Variants in TENM4 observed in about 807,000 individuals in gnomAD.
The protein encoded by TENM4 is teneurin transmembrane protein 4.
A neutral mutation model predicts 243.3 loss-of-function variants in TENM4; 82 were observed. The ratio of observed to expected loss-of-function variants is 0.34; its 90% CI spans 0.28 to 0.40. The LOEUF (loss-of-function observed/expected upper bound fraction) is 0.40. Ranked by LOEUF, TENM4 falls within the 10% of genes least tolerant of loss-of-function variation. The pLI is 1.00. For missense variants in TENM4, 3,138 were observed against 3,673.3 expected (o/e 0.85, Z 3.77); for synonymous variants, 1,412 against 1,456.3 (o/e 0.97, Z 0.69).
At chr11:78,674,531 C>CTT (rs1858415583) in intron 30 of TENM4, among the ~76,000 whole-genome samples, 1 of 152,198 alleles carries the variant, frequency 6.6e-6, no homozygotes, top group Non-Finnish European at 1.5e-5. Context: ...ATTGTATCAT[C>CTT]TTGTTTCTGC....
chr11:78,842,034 C>T (rs1252258229), intron 12 of TENM4, among the ~76,000 whole-genome samples: 8 of 152,170 alleles, frequency 5.3e-5, no homozygotes, highest in East Asian at 3.9e-4. Flanking sequence ...CTCTAAGCTC[C>T]ACCTGCTACT....
chr11:79,089,647 G>T (rs1365007477), intron 4 of TENM4, among the ~76,000 whole-genome samples: 2 of 152,066 alleles, frequency 1.3e-5, no homozygotes, highest in Non-Finnish European at 2.9e-5. Flanking sequence ...TAGTATCCTT[G>T]CTACTTAATG....
chr11:78,850,858 T>C (rs2136195746), intron 12 of TENM4, among the ~76,000 whole-genome samples: 1 of 152,278 alleles, frequency 6.6e-6, no homozygotes. Flanking sequence ...AGAATGAGGC[T>C]CAGAGAGGTG....
intron 4 of TENM4, among the ~76,000 whole-genome samples, chr11:79,075,140 G>A (rs769874206): frequency 3.9e-4 from 60 of 152,192 alleles, no homozygotes; most frequent in Non-Finnish European, 1.9e-4. Flanking sequence ...TTTGCCATAG[G>A]CCAGGCACCG....
At chr11:78,873,993 AC>A (rs1337866275) in intron 9 of TENM4, among the ~76,000 whole-genome samples, 1 of 151,866 alleles carries the variant, frequency 6.6e-6, no homozygotes, top group East Asian at 1.9e-4. Context: ...GAGGATTTCC[AC>A]CATCACTCCC....
At position 79,150,114 on chromosome 11, in the gene TENM4, C is replaced by A. The variant is rs151072407; in HGVS notation, c.-162-1308G>T. On this transcript the variant is annotated intron_variant, in intron 3 of 33. Transcript: ENST00000278550. ...GGATCCCTCTGACTCGCCTCTGCCC[C>A]TCACTCCTCACTCCTGCTCGGTTCA... 1.8e-4 allele frequency among the ~76,000 whole-genome samples: 28 copies of A among 152,256 alleles called. 1 individual carries two copies. The East Asian group carries it at 5.2e-3, about 28-fold the overall frequency.
intron 2 of TENM4, among the ~76,000 whole-genome samples, chr11:79,281,928 G>A (rs1424938968): frequency 1.3e-5 from 2 of 152,194 alleles, no homozygotes; most frequent in Non-Finnish European, 2.9e-5. Context: ...TGTGCAGTTA[G>A]ACTCTTCTCA....
In TENM4 at chr11:78,936,038, G is replaced by A. The variant is rs1433612042; in HGVS notation, c.494-32515C>T. ...AATGTAACAGTTCATTCCCCAGTGAGGGATAAATGAGGTGTTACAGGTCTG... is the reference window on the plus strand; with the variant it reads ...AATGTAACAGTTCATTCCCCAGTGAAGGATAAATGAGGTGTTACAGGTCTG... On this transcript the variant is annotated intron_variant, in intron 6 of 33. Transcript: ENST00000278550. 3.3e-5 allele frequency among the ~76,000 whole-genome samples: 5 copies of A among 152,206 alleles called. No homozygotes were observed. The East Asian group carries it at 9.6e-4, about 29-fold the overall frequency.
chr11:79,319,951 C>T (rs1281059712), intron 1 of TENM4, among the ~76,000 whole-genome samples: 3 of 152,164 alleles, frequency 2.0e-5, no homozygotes, highest in Non-Finnish European at 2.9e-5. Context: ...TAGGTAGAGG[C>T]TCTACCAGTG....
intron 6 of TENM4, among the ~76,000 whole-genome samples, chr11:79,007,027 C>T (rs1440928059): frequency 6.6e-6 from 1 of 152,144 alleles, no homozygotes; most frequent in Admixed American, 6.5e-5. Context: ...AAGAGGAAAC[C>T]CTGCAGCAGA....
intron 4 of TENM4, among the ~76,000 whole-genome samples, chr11:79,134,392 A>T (rs1862069171): frequency 6.6e-6 from 1 of 152,204 alleles, no homozygotes; most frequent in Non-Finnish European, 1.5e-5. Flanking sequence ...GAATGGGGAA[A>T]ATCAATATTG....
chr11:79,214,751 C>T (rs866148110), intron 3 of TENM4, among the ~76,000 whole-genome samples: 1 of 152,216 alleles, frequency 6.6e-6, no homozygotes, highest in African/African-American at 2.4e-5. Flanking sequence ...ATTTAAGAGT[C>T]AATGTTCAAC....
At chr11:79,049,562 G>A (rs1859745216) in intron 6 of TENM4, among the ~76,000 whole-genome samples, 1 of 152,258 alleles carries the variant, frequency 6.6e-6, no homozygotes, top group Admixed American at 6.5e-5. Flanking sequence ...TGCTTGCAAA[G>A]CTGGCCTTGG....
At chr11:79,354,809 AC>A (rs200958959) in intron 1 of TENM4, among the ~76,000 whole-genome samples, 5,920 of 151,628 alleles carry the variant, frequency 0.039, 150 homozygotes, top group Non-Finnish European at 0.062. Flanking sequence ...TAACAAACAA[AC>A]AAAAAAAGAA....
chr11:78,671,922 T>G, intron 31 of TENM4, 111 bp downstream of exon 31: 1 of 1,352,056 alleles, frequency 7.4e-7, no homozygotes, highest in Non-Finnish European at 1.0e-6. Context: ...AACATTTCCT[T>G]TTGGTGACAT....
chr11:79,408,596 T>A (rs1011612782), intron 1 of TENM4, among the ~76,000 whole-genome samples: 2 of 152,252 alleles, frequency 1.3e-5, no homozygotes, highest in African/African-American at 4.8e-5. Context: ...GCTTTGTTAA[T>A]ATTATTGACA....
chr11:78,824,619 A>G (rs761740790), intron 12 of TENM4, among the ~76,000 whole-genome samples: 1 of 150,742 alleles, frequency 6.6e-6, no homozygotes, highest in Non-Finnish European at 1.5e-5. Flanking sequence ...CTCCTGCCTC[A>G]GCCTCCCAAG....
chr11:79,231,713 A>C (rs1279291352), intron 2 of TENM4, among the ~76,000 whole-genome samples: 2 of 152,206 alleles, frequency 1.3e-5, no homozygotes, highest in South Asian at 2.1e-4. Context: ...TACTCATTTG[A>C]TTCACCCAGC....
At chr11:79,398,275 T>G (rs1309394041) in intron 1 of TENM4, among the ~76,000 whole-genome samples, 2 of 151,720 alleles carry the variant, frequency 1.3e-5, no homozygotes, top group African/African-American at 4.9e-5. Context: ...AGAGGCTCAA[T>G]TTACCTGTGA....
Sources: gnomAD v4.1 joint callset for allele counts (sites outside exome capture counted in the v4.1 genomes callset) on GRCh38, gnomAD v4.1.1 for gene constraint, MANE v1.5 for transcripts, NCBI Gene and HGNC (gene_info 2026-07-23, HGNC 2026-07-21) for gene names.